The following TUBB1 variants were observed in gnomAD, a reference collection of about 807,000 sequenced individuals.
TUBB1 encodes tubulin beta-1 chain.
TUBB1 carries 28 observed loss-of-function variants against 22.6 expected under a neutral mutation model. That is an observed-to-expected ratio of 1.24 (90% CI 0.92 to 1.70). The LOEUF is 1.70. TUBB1 is among the 40% of genes most tolerant of loss of function. The pLI, the probability that TUBB1 is intolerant of heterozygous loss-of-function variation, is 0.00. For synonymous variants in TUBB1, 226 were observed against 238.0 expected (o/e 0.95, Z 0.46); for missense variants, 577 against 605.5 (o/e 0.95, Z 0.49).
chr20:59,025,139 C>G lies in TUBB1; in HGVS notation c.*356C>G, dbSNP rs1482806047. The G allele has an allele frequency of 2.8e-6, 1 of 355,758 alleles. No homozygotes were observed. The highest frequency in any genetic ancestry group is 5.4e-6 in the Non-Finnish European group (1 of 184,230). 22.0% of individuals were successfully genotyped at this position (355,758 alleles called of 1,614,324 possible). On this transcript the variant is annotated 3_prime_UTR_variant, in exon 4 of 4. Coordinates refer to ENST00000217133, the MANE Select transcript of TUBB1 (RefSeq NM_030773.4). ...CTGGAGTTGGTGTTACATTTTTATA[C>G]TTTAGCAGCACTGATAGGCACCCTG...
rs2091974698 is a variant in TUBB1, at chr20:59,022,931, C to T, written c.144C>T (p.Ser48=). 3.1e-6 allele frequency: 5 copies of T among 1,613,916 alleles called. No homozygotes were observed. Among genetic ancestry groups the T allele is most frequent in the African/African-American group, 1.3e-5 (1 of 74,982 alleles). ...CGGCCTTGCAGCTGGAGAGAATCAG[C>T]GTGTACTACAACGAAGCCTACGGTA... ...GASALQLERI[S]VYYNEAYGRK... The change falls in exon 2 of 4, where the codon AGC becomes AGT. Residue 48 remains serine (S), a synonymous_variant. Transcript: ENST00000217133.
In TUBB1 at chr20:59,020,133, G is replaced by T. The variant is rs566189723; in HGVS notation, c.57+554G>T. ...GGCTCAAGTGATCCTTCTGCCTCAG[G>T]CTTCCAAAGTGGTGAGATGACAGGT... On this transcript the variant is annotated intron_variant, in intron 1 of 3. Coordinates refer to ENST00000217133, the MANE Select transcript of TUBB1 (RefSeq NM_030773.4). Among the ~76,000 whole-genome samples the T allele has an allele frequency of 2.0e-5, 3 of 152,256 alleles. No individual in the cohort carries two copies. In the East Asian group the frequency reaches 5.8e-4, roughly 29 times the overall value.
intron 1 of TUBB1, among the ~76,000 whole-genome samples, chr20:59,021,656 C>T (rs928550948): frequency 1.3e-5 from 2 of 152,120 alleles, no homozygotes; most frequent in African/African-American, 4.8e-5. Context: ...TACCAGAGGA[C>T]AACTATGTGT....
chr20:59,022,851 G>A lies in TUBB1; in HGVS notation c.64G>A (p.Glu22Lys), dbSNP rs765715633. 3 of 1,613,998 alleles carry A rather than the reference G, an allele frequency of 1.9e-6. No individual in the cohort carries two copies. The highest frequency in any genetic ancestry group is 1.7e-5 in the Admixed American group (1 of 59,998). Residue 22 changes from glutamate to lysine, a missense_variant, in exon 2 of 4, where the codon GAG (glutamate) becomes AAG (lysine). Transcript: ENST00000217133. ...ACCTTCCTCCTGCTTTCAGTTCTGG[G>A]AGATGATTGGTGAGGAACACGGGAT... ...CGNQIGAKFW[E>K]MIGEEHGIDL...
At chr20:59,018,103 T>C (rs7266693), upstream of TUBB1, among the ~76,000 whole-genome samples, 23,386 of 152,264 alleles carry the variant, frequency 0.15, 1,944 homozygotes, top group Non-Finnish European at 0.16. Flanking sequence ...CAGCGTCCAC[T>C]GGCTCTCCCC....
rs1422087729 is a variant in TUBB1, at chr20:59,020,880, C to T, written c.57+1301C>T. On this transcript the variant is annotated intron_variant, in intron 1 of 3. Coordinates refer to ENST00000217133, the MANE Select transcript of TUBB1 (RefSeq NM_030773.4). ...TTTTAAGATGACCAATTGCACCGTG[C>T]AAAATTTATCGTGTTCTCTTTGCTG... Among the ~76,000 whole-genome samples, 6 of 152,140 alleles carry T rather than the reference C, an allele frequency of 3.9e-5. 1 individual carries two copies. The highest frequency in any genetic ancestry group is 8.8e-5 in the Non-Finnish European group (6 of 68,038).
At chr20:59,018,574 A>G (rs891376411), upstream of TUBB1, among the ~76,000 whole-genome samples, 39 of 152,110 alleles carry the variant, frequency 2.6e-4, no homozygotes, top group South Asian at 6.2e-4. Context: ...CACCTGACTA[A>G]TATTTGTATT....
chr20:59,019,274 G>T, upstream of TUBB1: 1 of 583,896 alleles, frequency 1.7e-6, no homozygotes, highest in East Asian at 2.9e-5. Flanking sequence ...TCTGTGTTGA[G>T]GGAGGAAAAA....
chr20:59,018,938 T>C (rs1325586663), upstream of TUBB1, among the ~76,000 whole-genome samples: 1 of 151,988 alleles, frequency 6.6e-6, no homozygotes, highest in Non-Finnish European at 1.5e-5. Flanking sequence ...AGAGAGGGCA[T>C]GTGGGGGAGG....
chr20:59,021,702 T>C (rs2091967809), intron 1 of TUBB1, among the ~76,000 whole-genome samples: 1 of 152,158 alleles, frequency 6.6e-6, no homozygotes. Flanking sequence ...CAATCAAAAA[T>C]GCACATTACT....
intron 1 of TUBB1, among the ~76,000 whole-genome samples, chr20:59,020,662 G>A (rs2091963206): frequency 6.6e-6 from 1 of 151,978 alleles, no homozygotes. Flanking sequence ...GTATGCAATT[G>A]AAAATTTAAG....
chr20:59,019,345 G>C (rs746215921), upstream of TUBB1: 2 of 686,508 alleles, frequency 2.9e-6, no homozygotes, highest in Admixed American at 4.2e-5. Context: ...GGCTGAGGGC[G>C]GGGAGCTGGG....
chr20:59,019,200 G>A (rs912564781), upstream of TUBB1: 3 of 424,104 alleles, frequency 7.1e-6, no homozygotes, highest in African/African-American at 6.1e-5. Context: ...CCAGCCTCCA[G>A]GCCCTGTGCC....
intron 1 of TUBB1, among the ~76,000 whole-genome samples, chr20:59,020,425 G>A (rs899993108): frequency 4.6e-5 from 7 of 152,208 alleles, no homozygotes; most frequent in African/African-American, 1.4e-4. Flanking sequence ...CTCAGGTGAT[G>A]TGCCCGCCTG....
Position 59,024,126 on chromosome 20 carries a change from G to C in TUBB1, c.699G>C (p.Met233Ile), listed in dbSNP as rs1203294905. Residue 233 changes from methionine (M) to isoleucine (I), a missense_variant, in exon 4 of 4, where the codon ATG becomes ATC. Met to Ile is a conservative substitution (Grantham distance 10). Transcript: ENST00000217133. The surrounding 1 kb of genome is among the most constrained non-coding windows in gnomAD (Gnocchi z 4.9). ...TCAACCACCTAGTGTCCTTGACCAT[G>C]AGCGGCATAACCACCTCCCTCCGGT... The part of the protein sequence containing the change: ...GDLNHLVSLT[M>I]SGITTSLRFP... The C allele has an allele frequency of 6.2e-7, 1 of 1,614,078 alleles. No homozygotes were observed. The highest frequency in any genetic ancestry group is 1.3e-5 in the African/African-American group (1 of 74,914).
In TUBB1 at chr20:59,024,800, G is replaced by A; in HGVS notation, c.*17G>A. 1 of 1,612,616 alleles carries A rather than the reference G, an allele frequency of 6.2e-7. No individual in the cohort carries two copies. Among genetic ancestry groups the A allele is most frequent in the Non-Finnish European group, 8.5e-7 (1 of 1,178,704 alleles). ...GGACATTAACTGTGAGAGAAGCTGT[G>A]CCGCGGAGTCGCTTACAGAACAGTT... On this transcript the variant is annotated 3_prime_UTR_variant, in exon 4 of 4. Coordinates refer to ENST00000217133, the MANE Select transcript of TUBB1 (RefSeq NM_030773.4). The surrounding 1 kb of genome is among the most constrained non-coding windows in gnomAD (Gnocchi z 4.9).
upstream of TUBB1, chr20:59,019,394 T>C (rs1282979332): frequency 4.8e-6 from 5 of 1,046,748 alleles, no homozygotes; most frequent in African/African-American, 1.6e-5. Flanking sequence ...ATTGTGAGGG[T>C]AGCTTGGTTG....
At position 59,024,203 on chromosome 20, in the gene TUBB1, C is replaced by T. The variant is rs373162737; in HGVS notation, c.776C>T (p.Pro259Leu). Residue 259 changes from proline to leucine, a missense_variant, in exon 4 of 4, where the codon CCC becomes CTC. Transcript: ENST00000217133. This position sits in a 1 kb window ranked among gnomAD's most constrained non-coding sequence, Gnocchi z 4.9. Reference sequence around the variant, plus strand: ...CGCAAGCTGGCGGTGAACATGGTCCCCTTCCCCCGCCTGCACTTCTTTATG... The same window carrying T: ...CGCAAGCTGGCGGTGAACATGGTCCTCTTCCCCCGCCTGCACTTCTTTATG... ...DLRKLAVNMV[P>L]FPRLHFFMPG... is the part of the protein sequence containing the mutation. 4 of 1,614,174 alleles carry T rather than the reference C, an allele frequency of 2.5e-6. No individual in the cohort carries two copies. The highest frequency in any genetic ancestry group is 3.4e-6 in the Non-Finnish European group (4 of 1,180,030).
Position 59,023,901 on chromosome 20 carries a change from G to C in TUBB1, c.474G>C (p.Glu158Asp), listed in dbSNP as rs774006496. ...GTLLMNKIREEYPDRIMNSFS... is the reference protein window; with the variant it reads ...GTLLMNKIREDYPDRIMNSFS... ...TGCTCATGAACAAGATTAGAGAGGA[G>C]TACCCGGACCGGATCATGAATTCCT... is the stretch of plus-strand genomic sequence containing the variant. The change falls in exon 4 of 4, where the codon GAG becomes GAC. Residue 158 changes from glutamate (E) to aspartate (D), a missense_variant. Glu to Asp is a conservative substitution (Grantham distance 45). Coordinates refer to ENST00000217133, the MANE Select transcript of TUBB1 (RefSeq NM_030773.4). The C allele has an allele frequency of 1.7e-5, 28 of 1,614,094 alleles. No individual in the cohort carries two copies. Among genetic ancestry groups the C allele is most frequent in the Non-Finnish European group, 8.5e-7 (1 of 1,180,046 alleles).
Sources: allele counts gnomAD v4.1 joint callset (sites outside exome capture counted in the v4.1 genomes callset), GRCh38; gene constraint gnomAD v4.1.1; non-coding constraint Gnocchi (gnomAD v3.1); transcripts MANE v1.5; gene names NCBI Gene and HGNC (gene_info 2026-07-23, HGNC 2026-07-21).